The following NFE2L2 variants were observed in gnomAD, a reference collection of about 807,000 sequenced individuals.
The protein encoded by NFE2L2 is NFE2 like bZIP transcription factor 2.
Under a neutral mutation model 49.6 loss-of-function variants are expected in NFE2L2, and 20 were observed. That is an observed-to-expected ratio of 0.40 (90% confidence interval 0.28 to 0.59). The LOEUF (loss-of-function observed/expected upper bound fraction) is 0.59. NFE2L2 is among the 20% of genes least tolerant of loss of function. The pLI is 0.40. For missense variants in NFE2L2, 578 were observed against 714.2 expected, an observed-to-expected ratio of 0.81 and a Z score of 2.17; for synonymous variants, 244 against 256.5, an observed-to-expected ratio of 0.95 and a Z score of 0.47.
intron 1 of NFE2L2, among the ~76,000 whole-genome samples, chr2:177,238,871 T>G (rs1278475049): frequency 6.6e-6 from 1 of 152,240 alleles, no homozygotes; most frequent in African/African-American, 2.4e-5. Flanking sequence ...ATAAGCAAAT[T>G]AGAAGTTTTA....
chr2:177,258,962 T>G (rs1309153218), intron 1 of NFE2L2, among the ~76,000 whole-genome samples: 1 of 152,238 alleles, frequency 6.6e-6, no homozygotes, highest in African/African-American at 2.4e-5. Context: ...GAATACAGGC[T>G]GTTGATGGAC....
At chr2:177,232,903 C>T in intron 3 of NFE2L2, 2 of 469,924 alleles carry the variant, frequency 4.3e-6, no homozygotes, top group Admixed American at 7.7e-5. Context: ...GTTAACTGAA[C>T]AAGTCTTCGT....
intron 1 of NFE2L2, among the ~76,000 whole-genome samples, chr2:177,240,617 A>G (rs1256944215): frequency 1.3e-5 from 2 of 152,242 alleles, no homozygotes; most frequent in Admixed American, 6.5e-5. Context: ...AGAAATATTC[A>G]TGTTTAAAAA....
chr2:177,235,572 G>A (rs1452021609), intron 1 of NFE2L2, among the ~76,000 whole-genome samples: 1 of 152,116 alleles, frequency 6.6e-6, no homozygotes, highest in Non-Finnish European at 1.5e-5. Context: ...ACTCAGGCCT[G>A]TAATCCCAGG....
Position 177,264,664 on chromosome 2 carries a change from G to A in NFE2L2, c.-88C>T. 2.0e-6 allele frequency: 1 copy of A among 512,800 alleles called. No homozygotes were observed. Among genetic ancestry groups the A allele is most frequent in the Non-Finnish European group, 2.4e-6 (1 of 413,036 alleles). The allele number at this position is 512,800 out of a possible 1,614,324, so 31.8% of individuals were successfully genotyped here. ...CGGCGCGGACAGGGCGGCTCTGGTG[G>A]CGGCGGCGGCGGCGGTGGCGGCTGC... is the stretch of plus-strand genomic sequence containing the variant. On this transcript the variant is annotated 5_prime_UTR_variant, in exon 1 of 5. Coordinates refer to ENST00000397062, the MANE Select transcript of NFE2L2 (RefSeq NM_006164.5).
intron 1 of NFE2L2, among the ~76,000 whole-genome samples, chr2:177,236,418 G>C (rs748775703): frequency 2.2e-4 from 34 of 152,146 alleles, no homozygotes; most frequent in Non-Finnish European, 4.6e-4. Context: ...CTTGTAGTTA[G>C]GTATACCTCA....
Position 177,234,147 on chromosome 2 carries a change from TC to T in NFE2L2, c.169del (p.Glu57LysfsTer20). On this transcript the variant is annotated frameshift_variant, in exon 2 of 5. Coordinates refer to ENST00000397062, the MANE Select transcript of NFE2L2 (RefSeq NM_006164.5). LOFTEE classifies it high-confidence loss of function. ...ELEKQKKLEK[E>X]RQEQLQKEQE... ...CTCCTTTTGGAGTTGTTCTTGTCTT[TC>T]CTTTTCAAGTTTTTTCTGTTTTTCC... The T allele has an allele frequency of 1.2e-6, 2 of 1,614,234 alleles. No individual in the cohort carries two copies. The highest frequency in any genetic ancestry group is 1.7e-6 in the Non-Finnish European group (2 of 1,180,036).
intron 1 of NFE2L2, among the ~76,000 whole-genome samples, chr2:177,235,591 A>AG (rs1474798323): frequency 6.6e-6 from 1 of 152,178 alleles, no homozygotes; most frequent in Non-Finnish European, 1.5e-5. Context: ...GGAGTTTGGG[A>AG]GGCCAAGGCA....
rs373112257 is a variant in NFE2L2 at position 177,236,802 on chromosome 2, G to C, written c.46-2531C>G. ...ATGCTGTGTAAATAGTTGTTATACT[G>C]TATTTTATGTGTGTATTGTTATTTT... On this transcript the variant is annotated intron_variant, in intron 1 of 4. Transcript: ENST00000397062. 8.7e-4 allele frequency among the ~76,000 whole-genome samples: 132 copies of C among 152,108 alleles called. 2 individuals are homozygous for C. In the South Asian group the frequency reaches 0.027, roughly 31 times the overall value.
At position 177,231,936 on chromosome 2, in the gene NFE2L2, C is replaced by T. The variant is rs372577933; in HGVS notation, c.667G>A (p.Val223Ile). The change falls in exon 5 of 5, where the codon GTT becomes ATT. Residue 223 changes from valine to isoleucine, a missense_variant. By Grantham distance (29) the Val-to-Ile change is conservative. Transcript: ENST00000397062. ...VPSPEAKLTEVDNYHFYSSIP... is the reference protein window; with the variant it reads ...VPSPEAKLTEIDNYHFYSSIP... ...GATGAGTAAAAATGATAATTGTCAA[C>T]TTCTGTCAGTTTGGCTTCTGGACTT... is the stretch of plus-strand genomic sequence containing the variant. 2 of 1,614,068 alleles carry T rather than the reference C, an allele frequency of 1.2e-6. No individual in the cohort carries two copies.
rs371179136 is a variant in NFE2L2, at chr2:177,232,541, C to T, written c.445G>A (p.Gly149Ser). The T allele has an allele frequency of 2.5e-6, 4 of 1,613,882 alleles. No homozygotes were observed. Among genetic ancestry groups the T allele is most frequent in the African/African-American group, 1.3e-5 (1 of 74,950 alleles). Residue 149 changes from glycine (G) to serine (S), a missense_variant, in exon 4 of 5, where the codon GGT becomes AGT. By Grantham distance (56) the Gly-to-Ser change is moderately conservative. This residue lies in a region of NFE2L2 where 368 missense variants were observed against 384.6 expected (regional missense o/e 0.96). Transcript: ENST00000397062. ...ATGAAGACTGGGCTCTCGATGTGAC[C>T]GGGAATATCAGGAACAAGTGACTGA... ...TFQSLVPDIP[G>S]HIESPVFIAT...
intron 1 of NFE2L2, among the ~76,000 whole-genome samples, chr2:177,252,000 C>A (rs368476860): frequency 0.019 from 1,973 of 104,322 alleles, no homozygotes; most frequent in Admixed American, 0.02. Flanking sequence ...GACTCTGTCT[C>A]AAAAAAAAAA....
intron 1 of NFE2L2, chr2:177,263,310 T>G: frequency 1.1e-6 from 1 of 948,114 alleles, no homozygotes; most frequent in Non-Finnish European, 1.3e-6. Context: ...GAAACATATA[T>G]AAAGTACTCA....
intron 4 of NFE2L2, 101 bp downstream of exon 4, chr2:177,232,291 C>T: frequency 1.7e-6 from 2 of 1,185,790 alleles, no homozygotes; most frequent in Non-Finnish European, 1.2e-6. Flanking sequence ...TTAATAGCAC[C>T]CTCCAATCCT....
chr2:177,235,127 AAAAT>A (rs548255619), intron 1 of NFE2L2, among the ~76,000 whole-genome samples: 1 of 151,722 alleles, frequency 6.6e-6, no homozygotes, highest in African/African-American at 2.4e-5. Context: ...AAAAAAAAAT[AAAAT>A]AAAAGCAGAC....
rs573994747 is a variant in NFE2L2 at position 177,233,441 on chromosome 2, G to A, written c.313-102C>T. ...ATGTTCATAAAATATTTATAATCAA[G>A]TTAAGTAAATATTTATCTTATTTCA... On this transcript the variant is annotated intron_variant, in intron 2 of 4. Transcript: ENST00000397062. 1.3e-4 allele frequency: 117 copies of A among 884,696 alleles called. No individual in the cohort carries two copies. The African/African-American group carries it at 1.9e-3, about 15-fold the overall frequency. 54.8% of individuals were successfully genotyped at this position (884,696 alleles called of 1,614,324 possible).
At chr2:177,239,702 T>C (rs1689877731) in intron 1 of NFE2L2, among the ~76,000 whole-genome samples, 1 of 152,110 alleles carries the variant, frequency 6.6e-6, no homozygotes, top group South Asian at 2.1e-4. Context: ...TAATGTTTTT[T>C]CTTGCTATGA....
chr2:177,239,817 G>T (rs574004028), intron 1 of NFE2L2, among the ~76,000 whole-genome samples: 19 of 152,248 alleles, frequency 1.2e-4, no homozygotes, highest in South Asian at 4.1e-4. Flanking sequence ...ATCAAATTTA[G>T]AATGCAGCAA....
intron 1 of NFE2L2, among the ~76,000 whole-genome samples, chr2:177,239,784 G>C (rs1689881214): frequency 6.6e-6 from 1 of 152,072 alleles, no homozygotes; most frequent in Non-Finnish European, 1.5e-5. Context: ...AACTATTTTG[G>C]ATTCCCAAAA....
Sources: gnomAD v4.1 joint callset for allele counts (sites outside exome capture counted in the v4.1 genomes callset) on GRCh38, gnomAD v4.1.1 for gene constraint, gnomAD v4.1.1 regional missense constraint, MANE v1.5 for transcripts, NCBI Gene and HGNC (gene_info 2026-07-23, HGNC 2026-07-21) for gene names.